Variants in CPNE4 observed in about 807,000 individuals in gnomAD.
CPNE4 encodes the protein copine 4.
A neutral mutation model predicts 67.9 loss-of-function variants in CPNE4; 25 were observed. That is an observed-to-expected ratio of 0.37 (90% CI 0.27 to 0.51). The LOEUF is 0.51. CPNE4 is among the 20% of genes least tolerant of loss of function. The pLI is 0.93. For synonymous variants in CPNE4, 242 were observed against 244.9 expected, an observed-to-expected ratio of 0.99 and a Z score of 0.11; for missense variants, 464 against 690.8, an observed-to-expected ratio of 0.67 and a Z score of 3.68.
intron 7 of CPNE4, among the ~76,000 whole-genome samples, chr3:131,650,417 T>C (rs2107621901): frequency 6.6e-6 from 1 of 152,268 alleles, no homozygotes; most frequent in Middle Eastern, 3.4e-3. Flanking sequence ...AGGAAGAAAC[T>C]ATAAGCACTT....
chr3:131,949,289 T>C (rs1481549382), intron 1 of CPNE4, among the ~76,000 whole-genome samples: 1 of 152,188 alleles, frequency 6.6e-6, no homozygotes, highest in Non-Finnish European at 1.5e-5. Context: ...CTCAGTTTCT[T>C]CATTAGCTGA....
intron 1 of CPNE4, among the ~76,000 whole-genome samples, chr3:131,934,475 A>G (rs541951509): frequency 3.3e-5 from 5 of 152,224 alleles, no homozygotes; most frequent in Non-Finnish European, 7.3e-5. Context: ...CAGGTTTGTT[A>G]CATAGGTATA....
At chr3:131,585,972 A>C (rs1173995149) in intron 8 of CPNE4, among the ~76,000 whole-genome samples, 1 of 152,188 alleles carries the variant, frequency 6.6e-6, no homozygotes, top group Non-Finnish European at 1.5e-5. Context: ...CATTGTTTCC[A>C]TTGAGTTTCC....
chr3:131,626,930 C>T lies in CPNE4; in HGVS notation c.682-39348G>A, dbSNP rs1011579448. 3.9e-5 allele frequency among the ~76,000 whole-genome samples: 6 copies of T among 152,096 alleles called. No individual in the cohort carries two copies. The East Asian group carries it at 9.6e-4, about 24-fold the overall frequency. On this transcript the variant is annotated intron_variant, in intron 7 of 15. Transcript: ENST00000429747. ...TGCTAAATTGCTGGGCACGGTGGCT[C>T]ACGCCTGTAATGCCAGCACTTTGGG...
At chr3:131,612,597 C>T (rs560516943) in intron 7 of CPNE4, among the ~76,000 whole-genome samples, 2 of 152,180 alleles carry the variant, frequency 1.3e-5, no homozygotes, top group Non-Finnish European at 2.9e-5. Flanking sequence ...TAGATCTAGA[C>T]TAGGATGGCA....
At chr3:131,758,405 G>A (rs913603957) in intron 2 of CPNE4, among the ~76,000 whole-genome samples, 6 of 152,080 alleles carry the variant, frequency 3.9e-5, no homozygotes, top group South Asian at 2.1e-4. Context: ...ACCCTGTAAC[G>A]TCTTGTTTTG....
At position 131,833,441 on chromosome 3, in the gene CPNE4, C is replaced by T. The variant is rs530756610; in HGVS notation, c.180+71823G>A. ...GGGAGGAGTGATCCATGCCTGTAAT[C>T]CCAGAACTTTGGGAAGCCCAGGCAG... is the stretch of plus-strand genomic sequence containing the variant. On this transcript the variant is annotated intron_variant, in intron 2 of 15. Transcript: ENST00000429747. Among the ~76,000 whole-genome samples the T allele has an allele frequency of 1.8e-4, 28 of 152,234 alleles. No homozygotes were observed. In the South Asian group the frequency reaches 5.6e-3, roughly 30 times the overall value.
intron 11 of CPNE4, among the ~76,000 whole-genome samples, chr3:131,558,141 A>G (rs1936566922): frequency 6.6e-6 from 1 of 151,956 alleles, no homozygotes; most frequent in Non-Finnish European, 1.5e-5. Flanking sequence ...AAAATGCCTC[A>G]CCTACAAGGG....
intron 3 of CPNE4, among the ~76,000 whole-genome samples, chr3:131,710,516 T>C (rs2081531135): frequency 6.6e-6 from 1 of 152,134 alleles, no homozygotes; most frequent in Non-Finnish European, 1.5e-5. Context: ...CACAGGCTTG[T>C]AGAAATTGAA....
chr3:131,696,535 G>A lies in CPNE4; in HGVS notation c.507+7C>T, dbSNP rs1324416430. 5 of 1,612,174 alleles carry A rather than the reference G, an allele frequency of 3.1e-6. No homozygotes were observed. The highest frequency in any genetic ancestry group is 1.3e-5 in the African/African-American group (1 of 74,992). ...TCCTTCAATAAGGTTAATGCCAAAC[G>A]CTTTACCTTGTCATCCAATTTCCGT... On this transcript the variant is annotated splice_region_variant and intron_variant, in intron 5 of 15. Transcript: ENST00000429747.
intron 2 of CPNE4, among the ~76,000 whole-genome samples, chr3:131,897,619 G>C (rs1289919350): frequency 6.6e-6 from 1 of 152,034 alleles, no homozygotes; most frequent in Non-Finnish European, 1.5e-5. Flanking sequence ...AAATAGGCTG[G>C]ACACAGTGGC....
intron 1 of CPNE4, among the ~76,000 whole-genome samples, chr3:131,960,525 T>C (rs1208397678): frequency 6.6e-6 from 1 of 152,198 alleles, no homozygotes; most frequent in Non-Finnish European, 1.5e-5. Flanking sequence ...GTTTGCCTAT[T>C]GTCCAATAAT....
At position 131,751,503 on chromosome 3, in the gene CPNE4, A is replaced by G. The variant is rs1016483318; in HGVS notation, c.181-27878T>C. On this transcript the variant is annotated intron_variant, in intron 2 of 15. Coordinates refer to ENST00000429747, the MANE Select transcript of CPNE4 (RefSeq NM_130808.3). ...TAAAATTTAAATTTGGTTCTTTTTT[A>G]TACTTCTATTTCTTTGCTGAGGTTT... is the stretch of plus-strand genomic sequence containing the variant. Among the ~76,000 whole-genome samples, 3 of 150,034 alleles carry G rather than the reference A, an allele frequency of 2.0e-5. No individual in the cohort carries two copies. The South Asian group carries it at 6.4e-4, about 32-fold the overall frequency.
At chr3:131,874,502 T>C (rs929003214) in intron 2 of CPNE4, among the ~76,000 whole-genome samples, 31 of 152,336 alleles carry the variant, frequency 2.0e-4, no homozygotes, top group Admixed American at 1.7e-3. Context: ...AAACTCTCTC[T>C]GTTGGTTGTA....
intron 3 of CPNE4, among the ~76,000 whole-genome samples, chr3:131,718,431 T>A (rs1427127077): frequency 6.6e-6 from 1 of 152,184 alleles, no homozygotes; most frequent in Non-Finnish European, 1.5e-5. Flanking sequence ...GCATCCTCTA[T>A]CCTTTTCACA....
chr3:131,586,913 GA>G (rs1412620750), intron 8 of CPNE4, among the ~76,000 whole-genome samples: 22 of 152,138 alleles, frequency 1.4e-4, no homozygotes, highest in Admixed American at 9.2e-4. Flanking sequence ...AGAGTAAAAT[GA>G]TGGAACTAGA....
At chr3:132,022,966 C>T (rs533502672) in intron 1 of CPNE4, among the ~76,000 whole-genome samples, 4 of 152,188 alleles carry the variant, frequency 2.6e-5, no homozygotes, top group East Asian at 3.9e-4. Flanking sequence ...ATGTCAGCTC[C>T]GATTCAGTTG....
chr3:131,570,323 ATTTATTTATTTT>A (rs1415159754), intron 10 of CPNE4, among the ~76,000 whole-genome samples: 2 of 144,704 alleles, frequency 1.4e-5, no homozygotes, highest in African/African-American at 2.8e-5. Context: ...TTATTTATTT[ATTTATTTATTTT>A]TTTAAAATTT....
intron 7 of CPNE4, among the ~76,000 whole-genome samples, chr3:131,624,429 A>G (rs2079008145): frequency 6.6e-6 from 1 of 152,166 alleles, no homozygotes; most frequent in Non-Finnish European, 1.5e-5. Flanking sequence ...TGCACCAGAA[A>G]ACACAGGACT....
Sources: gnomAD v4.1 joint callset for allele counts (sites outside exome capture counted in the v4.1 genomes callset) on GRCh38, gnomAD v4.1.1 for gene constraint, MANE v1.5 for transcripts, NCBI Gene and HGNC (gene_info 2026-07-23, HGNC 2026-07-21) for gene names.